DNAH11: variants seen among roughly 807,000 people sequenced by gnomAD.
The protein encoded by DNAH11 is axonemal beta dynein heavy chain 11.
DNAH11 carries 442 observed loss-of-function variants against 526.0 expected under a neutral mutation model. The ratio of observed to expected loss-of-function variants is 0.84; its 90% CI spans 0.78 to 0.91. The LOEUF is 0.91. DNAH11 is among the 40% of genes least tolerant of loss of function. The probability of loss-of-function intolerance (pLI) is 0.00; values close to 1 mark genes in which losing one functional copy is unlikely to be tolerated. For synonymous variants in DNAH11, 2,461 were observed against 1,935.9 expected, an observed-to-expected ratio of 1.27 and a Z score of -7.12; for missense variants, 6,989 against 5,448.7, an observed-to-expected ratio of 1.28 and a Z score of -8.90.
intron 62 of DNAH11, among the ~76,000 whole-genome samples, chr7:21,806,623 C>G (rs1315472530): frequency 1.3e-5 from 2 of 152,198 alleles, no homozygotes; most frequent in Non-Finnish European, 2.9e-5. Context: ...AATCTACTTT[C>G]ATGGGGAAAG....
chr7:21,633,598 A>T (rs561740226), intron 25 of DNAH11, among the ~76,000 whole-genome samples: 1 of 152,320 alleles, frequency 6.6e-6, no homozygotes, highest in South Asian at 2.1e-4. Context: ...TTCATTGAGC[A>T]CCTAATTGTT....
chr7:21,791,625 C>T (rs12671419), intron 61 of DNAH11, among the ~76,000 whole-genome samples: 2 of 152,324 alleles, frequency 1.3e-5, no homozygotes, highest in East Asian at 3.9e-4. Flanking sequence ...TTCGGGCAAG[C>T]TCCTTCAGCT....
intron 61 of DNAH11, among the ~76,000 whole-genome samples, chr7:21,798,257 G>C (rs1307259381): frequency 6.6e-6 from 1 of 152,126 alleles, no homozygotes; most frequent in Non-Finnish European, 1.5e-5. Flanking sequence ...ACCATGCCCG[G>C]CTAATTTTTT....
chr7:21,757,207 A>T (rs1342109395), intron 54 of DNAH11, among the ~76,000 whole-genome samples: 1 of 152,158 alleles, frequency 6.6e-6, no homozygotes, highest in Non-Finnish European at 1.5e-5. Context: ...CCACTTTCCT[A>T]CATCTTGGGA....
At chr7:21,854,901 A>C (rs2128025828) in intron 68 of DNAH11, among the ~76,000 whole-genome samples, 1 of 152,274 alleles carries the variant, frequency 6.6e-6, no homozygotes. Context: ...TCTGGTTAAC[A>C]AAATAACAAA....
intron 29 of DNAH11, among the ~76,000 whole-genome samples, chr7:21,658,163 A>G (rs530397615): frequency 2.6e-5 from 4 of 151,716 alleles, no homozygotes; most frequent in Non-Finnish European, 4.4e-5. Context: ...AATTTTTTAA[A>G]AAAAAAAAGA....
At chr7:21,784,583 T>TTTAAGTAATA in intron 58 of DNAH11, 43 bp downstream of exon 58, 6 of 1,415,226 alleles carry the variant, frequency 4.2e-6, no homozygotes, top group Non-Finnish European at 5.8e-6. Context: ...CAAAGTAATA[T>TTTAAGTAATA]TTAAAGGTTA....
At chr7:21,731,802 C>A (rs1172345017) in intron 45 of DNAH11, among the ~76,000 whole-genome samples, 1 of 152,226 alleles carries the variant, frequency 6.6e-6, no homozygotes, top group Non-Finnish European at 1.5e-5. Context: ...TAACCATCTT[C>A]ATCCGGCTGT....
intron 25 of DNAH11, among the ~76,000 whole-genome samples, chr7:21,628,983 G>A (rs1161424848): frequency 6.6e-6 from 1 of 151,874 alleles, no homozygotes; most frequent in Non-Finnish European, 1.5e-5. Flanking sequence ...AGTTCCTTGA[G>A]GTGTATTGTT....
chr7:21,626,090 G>C (rs1237886117), intron 25 of DNAH11, among the ~76,000 whole-genome samples: 3 of 151,932 alleles, frequency 2.0e-5, no homozygotes. Context: ...TTCTCTTCTA[G>C]ATCTTTTGAA....
intron 14 of DNAH11, among the ~76,000 whole-genome samples, chr7:21,594,833 C>T (rs1317794035): frequency 6.6e-6 from 1 of 152,012 alleles, no homozygotes; most frequent in Non-Finnish European, 1.5e-5. Context: ...GGGGAGGCTT[C>T]ATAGGCCTTT....
intron 14 of DNAH11, among the ~76,000 whole-genome samples, chr7:21,595,849 C>T (rs532148474): frequency 2.6e-5 from 4 of 151,686 alleles, no homozygotes; most frequent in African/African-American, 4.8e-5. Flanking sequence ...GGACTGTTGG[C>T]TGGACCACCA....
intron 42 of DNAH11, among the ~76,000 whole-genome samples, chr7:21,712,482 A>G (rs1229240561): frequency 6.6e-6 from 1 of 152,216 alleles, no homozygotes; most frequent in Non-Finnish European, 1.5e-5. Context: ...ACCCATTTAT[A>G]TTCCCACCAA....
intron 2 of DNAH11, among the ~76,000 whole-genome samples, chr7:21,554,788 T>C (rs1408504189): frequency 6.6e-6 from 1 of 152,222 alleles, no homozygotes. Flanking sequence ...AGTCTCTCCC[T>C]GTCTATGGGA....
chr7:21,897,080 A>C (rs75341503), intron 79 of DNAH11, among the ~76,000 whole-genome samples: 39,373 of 152,090 alleles, frequency 0.26, 6,222 homozygotes, highest in Non-Finnish European at 0.34. Context: ...GTCTCAAAAA[A>C]TAAAGTATAT....
At chr7:21,862,486 G>T (rs1057222901) in intron 69 of DNAH11, among the ~76,000 whole-genome samples, 1 of 151,984 alleles carries the variant, frequency 6.6e-6, no homozygotes, top group East Asian at 1.9e-4. Flanking sequence ...AATTAATAAC[G>T]CATATTTTTA....
Position 21,687,484 on chromosome 7 carries a change from C to T in DNAH11, c.5881C>T (p.Gln1961Ter), listed in dbSNP as rs763100320. 1.2e-6 allele frequency: 2 copies of T among 1,613,522 alleles called. No homozygotes were observed. Among genetic ancestry groups the T allele is most frequent in the Non-Finnish European group, 1.7e-6 (2 of 1,179,832 alleles). The change falls in exon 34 of 82, where the codon CAA becomes TAA. Residue 1961 changes from glutamine to a stop codon, truncating the protein, a stop_gained. Transcript: ENST00000409508. LOFTEE classifies it high-confidence loss of function. Reference sequence around the variant, plus strand: ...GGAAGTTCTGTCAGTGGTGGCAGTACAAGTGAAAATGATTCATGATGCCAT... The same window carrying T: ...GGAAGTTCTGTCAGTGGTGGCAGTATAAGTGAAAATGATTCATGATGCCAT... ...SVEVLSVVAV[Q>*]VKMIHDAIRN...
chr7:21,826,307 CTAAAAAGTA>C (rs1324732423), intron 65 of DNAH11, among the ~76,000 whole-genome samples: 38 of 151,842 alleles, frequency 2.5e-4, no homozygotes, highest in African/African-American at 8.7e-4. Flanking sequence ...AGGAGAGAAA[CTAAAAAGTA>C]TTCATACATA....
intron 70 of DNAH11, 70 bp from the exon 71 acceptor site, chr7:21,866,400 C>A: frequency 7.0e-7 from 1 of 1,430,000 alleles, no homozygotes; most frequent in Non-Finnish European, 9.5e-7. Context: ...TAGATACATT[C>A]ACAAGTCTTC....
Sources: allele counts gnomAD v4.1 joint callset (sites outside exome capture counted in the v4.1 genomes callset), GRCh38; gene constraint gnomAD v4.1.1; transcripts MANE v1.5; gene names NCBI Gene and HGNC (gene_info 2026-07-23, HGNC 2026-07-21).